Variants in SMAD9 observed in about 807,000 individuals in gnomAD.
The protein encoded by SMAD9 is MAD homolog 9.
In SMAD9, 36 loss-of-function variants were observed where a neutral mutation model predicts 46.1. That is an observed-to-expected ratio of 0.78 (90% CI 0.60 to 1.03). The LOEUF (loss-of-function observed/expected upper bound fraction) is 1.03, where lower values mean the gene tolerates loss of function less well. SMAD9 is among the 50% of genes least tolerant of loss of function. SMAD9 has a pLI of 0.00. For synonymous variants in SMAD9, 245 were observed against 237.1 expected (o/e 1.03, Z -0.31); for missense variants, 572 against 599.8 (o/e 0.95, Z 0.48).
At chr13:36,890,682 C>T (rs186068318) in intron 1 of SMAD9, among the ~76,000 whole-genome samples, 11 of 152,244 alleles carry the variant, frequency 7.2e-5, no homozygotes, top group Admixed American at 7.2e-4. Context: ...TGTAAAGTCA[C>T]CTCAGGAGAG....
chr13:36,890,526 G>C (rs976991805), intron 1 of SMAD9, among the ~76,000 whole-genome samples: 3 of 152,162 alleles, frequency 2.0e-5, no homozygotes, highest in Non-Finnish European at 4.4e-5. Context: ...TCAGAAAACA[G>C]ATAAATTGTA....
In SMAD9 at chr13:36,865,587, T is replaced by C. The variant is rs1274144866; in HGVS notation, c.953A>G (p.Asn318Ser). 5.6e-6 allele frequency: 9 copies of C among 1,613,994 alleles called. No homozygotes were observed. Among genetic ancestry groups the C allele is most frequent in the Non-Finnish European group, 7.6e-6 (9 of 1,179,970 alleles). ...RNRFCLGLLS[N>S]VNRNSTIENT... ...TTCTATCGTTGAGTTTCTGTTTACA[T>C]TAGAAAGAAGTCCAAGACAGAATCT... is the stretch of plus-strand genomic sequence containing the variant. Residue 318 changes from asparagine to serine, a missense_variant, in exon 5 of 7, where the codon AAT becomes AGT. Physicochemically the swap from Asn to Ser is conservative, Grantham distance 46 (BLOSUM62 1). Coordinates refer to ENST00000379826, the MANE Select transcript of SMAD9 (RefSeq NM_001127217.3).
At chr13:36,878,508 A>T (rs1472813050) in intron 2 of SMAD9, among the ~76,000 whole-genome samples, 1 of 152,184 alleles carries the variant, frequency 6.6e-6, no homozygotes, top group South Asian at 2.1e-4. Flanking sequence ...ACAAGGAAGA[A>T]ATTACTTACT....
intron 1 of SMAD9, among the ~76,000 whole-genome samples, chr13:36,909,614 G>C (rs1405793141): frequency 6.6e-6 from 1 of 152,140 alleles, no homozygotes; most frequent in Non-Finnish European, 1.5e-5. Flanking sequence ...AGAAGCAAGA[G>C]GCAACATGAT....
Position 36,897,849 on chromosome 13 carries a change from CTTTTT to C in SMAD9, c.-186-17979_-186-17975del, listed in dbSNP as rs574741770. On this transcript the variant is annotated intron_variant, in intron 1 of 6. Coordinates refer to ENST00000379826, the MANE Select transcript of SMAD9 (RefSeq NM_001127217.3). ...CCAAGGTAACAGAAATGTCCTGTGTCTTTTTTTTTTTTTTTTTTTTTTTTTGAGAC... is the reference window on the plus strand; with the variant it reads ...CCAAGGTAACAGAAATGTCCTGTGTCTTTTTTTTTTTTTTTTTTTTGAGAC... Among the ~76,000 whole-genome samples, 19 of 90,016 alleles carry C rather than the reference CTTTTT, an allele frequency of 2.1e-4. No individual in the cohort carries two copies. In the South Asian group the frequency reaches 7.9e-3, roughly 37 times the overall value. 59.1% of individuals were successfully genotyped at this position (90,016 alleles called of 152,430 possible).
At chr13:36,904,600 C>T (rs1218522003) in intron 1 of SMAD9, among the ~76,000 whole-genome samples, 1 of 152,206 alleles carries the variant, frequency 6.6e-6, no homozygotes, top group Non-Finnish European at 1.5e-5. Flanking sequence ...GCAAAACCCA[C>T]TCCAAGGGGC....
chr13:36,845,067 C>T lies in SMAD9; in HGVS notation c.*3609G>A, dbSNP rs1271071695. The T allele has an allele frequency of 6.6e-6, 1 of 151,030 alleles. No homozygotes were observed. The highest frequency in any genetic ancestry group is 2.4e-5 in the African/African-American group (1 of 40,948). The allele number at this position is 151,030 out of a possible 1,614,324, so 9.4% of individuals were successfully genotyped here. A position where few individuals can be genotyped will look rare whatever the true frequency, so the allele number is the denominator to read the frequency against. On this transcript the variant is annotated 3_prime_UTR_variant, in exon 7 of 7. Coordinates refer to ENST00000379826, the MANE Select transcript of SMAD9 (RefSeq NM_001127217.3). ...ACAGGGAAAGACAAAATGTGAAATG[C>T]ATGTTATATTTTGCTTTATTTGTTG...
At chr13:36,916,048 C>G (rs574349) in intron 1 of SMAD9, among the ~76,000 whole-genome samples, 1,702 of 152,290 alleles carry the variant, frequency 0.011, 28 homozygotes, top group African/African-American at 0.038. Flanking sequence ...GCACAGAAGG[C>G]AGATTCTGCC....
intron 1 of SMAD9, among the ~76,000 whole-genome samples, chr13:36,906,851 A>G (rs1019290400): frequency 1.3e-5 from 2 of 152,242 alleles, no homozygotes; most frequent in African/African-American, 4.8e-5. Context: ...AGAGTCTGGG[A>G]GAGCCTCAAA....
intron 6 of SMAD9, chr13:36,851,706 T>C: frequency 1.0e-6 from 1 of 968,430 alleles, no homozygotes; most frequent in Non-Finnish European, 1.2e-6. Context: ...CAGTGGTAGC[T>C]ACAGCTGCTC....
rs1171218576 is a variant in SMAD9, at chr13:36,845,599, T to C, written c.*3077A>G. 2 of 152,228 alleles carry C rather than the reference T, an allele frequency of 1.3e-5. No individual in the cohort carries two copies. The highest frequency in any genetic ancestry group is 2.9e-5 in the Non-Finnish European group (2 of 68,040). The allele number at this position is 152,228 out of a possible 1,614,324, so 9.4% of individuals were successfully genotyped here. A position where few individuals can be genotyped will look rare whatever the true frequency, so the allele number is the denominator to read the frequency against. Reference sequence around the variant, plus strand: ...ATTTATAGGCTTAGCATGTCTGCTTTATTAGTTATCCTGGAAAGAATGCTA... The same window carrying C: ...ATTTATAGGCTTAGCATGTCTGCTTCATTAGTTATCCTGGAAAGAATGCTA... On this transcript the variant is annotated 3_prime_UTR_variant, in exon 7 of 7. Coordinates refer to ENST00000379826, the MANE Select transcript of SMAD9 (RefSeq NM_001127217.3).
intron 1 of SMAD9, among the ~76,000 whole-genome samples, chr13:36,886,687 G>C (rs1236342114): frequency 6.6e-6 from 1 of 152,232 alleles, no homozygotes; most frequent in Non-Finnish European, 1.5e-5. Flanking sequence ...ATATTAACAA[G>C]CCATGAAATC....
At chr13:36,890,857 C>T (rs2058483782) in intron 1 of SMAD9, among the ~76,000 whole-genome samples, 1 of 151,910 alleles carries the variant, frequency 6.6e-6, no homozygotes. Context: ...CAATGCAGTT[C>T]AGCCAAAACA....
At chr13:36,870,639 A>G (rs1310617138) in intron 3 of SMAD9, among the ~76,000 whole-genome samples, 1 of 152,220 alleles carries the variant, frequency 6.6e-6, no homozygotes, top group Non-Finnish European at 1.5e-5. Context: ...TCCACCAGAG[A>G]TACAGTCCGA....
intron 3 of SMAD9, among the ~76,000 whole-genome samples, chr13:36,872,135 T>C (rs1295208559): frequency 2.0e-5 from 3 of 152,170 alleles, no homozygotes; most frequent in Admixed American, 2.0e-4. Flanking sequence ...GAGCTCTATA[T>C]TTAAGATGCT....
intron 1 of SMAD9, among the ~76,000 whole-genome samples, chr13:36,906,924 A>G (rs1006087467): frequency 6.6e-6 from 1 of 152,222 alleles, no homozygotes; most frequent in Non-Finnish European, 1.5e-5. Flanking sequence ...ACCAAAAACA[A>G]GAAAATAGGT....
intron 1 of SMAD9, among the ~76,000 whole-genome samples, chr13:36,915,033 G>A (rs1423225658): frequency 6.6e-6 from 1 of 152,176 alleles, no homozygotes; most frequent in Non-Finnish European, 1.5e-5. Flanking sequence ...GTAAAAAACA[G>A]GCTGTATGGA....
At chr13:36,880,556 T>C (rs1411934815) in intron 1 of SMAD9, among the ~76,000 whole-genome samples, 1 of 152,234 alleles carries the variant, frequency 6.6e-6, no homozygotes, top group Non-Finnish European at 1.5e-5. Flanking sequence ...TCCAAACTAC[T>C]TTTCAGGACA....
intron 2 of SMAD9, among the ~76,000 whole-genome samples, chr13:36,878,829 T>C (rs1484305348): frequency 6.6e-6 from 1 of 152,240 alleles, no homozygotes; most frequent in Non-Finnish European, 1.5e-5. Flanking sequence ...TAAAAGATTA[T>C]GTTGACTTGT....
Sources: gnomAD v4.1 joint callset for allele counts (sites outside exome capture counted in the v4.1 genomes callset) on GRCh38, gnomAD v4.1.1 for gene constraint, MANE v1.5 for transcripts, NCBI Gene and HGNC (gene_info 2026-07-23, HGNC 2026-07-21) for gene names.